Variants in MANBAL observed in about 807,000 individuals in gnomAD.
MANBAL encodes the protein protein MANBAL.
Under a neutral mutation model 6.4 loss-of-function variants are expected in MANBAL, and 1 was observed. That is an observed-to-expected ratio of 0.16 (90% CI 0.06 to 0.74). The LOEUF is 0.74. Among genes scored for constraint, MANBAL ranks in the 30% least tolerant of loss-of-function variants. MANBAL has a pLI of 0.78. For synonymous variants in MANBAL, 47 were observed against 45.8 expected, an observed-to-expected ratio of 1.03 and a Z score of -0.10; for missense variants, 100 against 107.8, an observed-to-expected ratio of 0.93 and a Z score of 0.32.
chr20:37,298,118 T>TG (rs1207722360), intron 1 of MANBAL, among the ~76,000 whole-genome samples: 2 of 152,200 alleles, frequency 1.3e-5, no homozygotes, highest in Non-Finnish European at 1.5e-5. Flanking sequence ...CATAAGAGTT[T>TG]GAGGCTACAG....
chr20:37,314,837 C>T (rs2069467632), intron 2 of MANBAL, among the ~76,000 whole-genome samples: 2 of 152,218 alleles, frequency 1.3e-5, no homozygotes, highest in African/African-American at 4.8e-5. Flanking sequence ...AGGGACTGCC[C>T]TTCCCTGCAT....
intron 2 of MANBAL, among the ~76,000 whole-genome samples, chr20:37,310,938 T>C (rs1319836579): frequency 6.6e-6 from 1 of 152,190 alleles, no homozygotes; most frequent in Non-Finnish European, 1.5e-5. Context: ...AAGGCAGCCC[T>C]TAATTGAGAG....
intron 1 of MANBAL, among the ~76,000 whole-genome samples, chr20:37,299,293 G>A (rs757254595): frequency 6.6e-6 from 1 of 152,060 alleles, no homozygotes; most frequent in South Asian, 2.1e-4. Context: ...TGTCCAGGCT[G>A]GTCTCAAACT....
At chr20:37,292,200 G>A (rs2146781369) in intron 1 of MANBAL, among the ~76,000 whole-genome samples, 1 of 152,268 alleles carries the variant, frequency 6.6e-6, no homozygotes, top group Non-Finnish European at 1.5e-5. Context: ...CATGCTTAAA[G>A]GCAGAGTATA....
At chr20:37,305,275 A>T (rs1288905218) in intron 2 of MANBAL, among the ~76,000 whole-genome samples, 1 of 152,082 alleles carries the variant, frequency 6.6e-6, no homozygotes, top group Non-Finnish European at 1.5e-5. Context: ...GTCCCGAGGG[A>T]GGGAGGTGAT....
chr20:37,315,744 C>T (rs1249564520), intron 2 of MANBAL, among the ~76,000 whole-genome samples: 1 of 152,234 alleles, frequency 6.6e-6, no homozygotes, highest in Non-Finnish European at 1.5e-5. Flanking sequence ...GCCGGCTGGC[C>T]CTCTGCACCC....
At position 37,289,949 on chromosome 20, in the gene MANBAL, C is replaced by T. The variant is rs1200938568; in HGVS notation, c.-57+263C>T. On this transcript the variant is annotated intron_variant, in intron 1 of 2. Coordinates refer to ENST00000373606, the MANE Select transcript of MANBAL (RefSeq NM_001003897.2). Reference sequence around the variant, plus strand: ...GAGGCTGGGCCAGAACCCAGGGCTCCTCATGGCCTGGTCCGGGCCTTTCCT... The same window carrying T: ...GAGGCTGGGCCAGAACCCAGGGCTCTTCATGGCCTGGTCCGGGCCTTTCCT... Among the ~76,000 whole-genome samples the T allele has an allele frequency of 1.1e-4, 16 of 152,240 alleles. 1 individual carries two copies. Among genetic ancestry groups the T allele is most frequent in the Admixed American group, 1.0e-3 (16 of 15,290 alleles).
intron 2 of MANBAL, among the ~76,000 whole-genome samples, chr20:37,305,292 T>C (rs960512911): frequency 6.6e-6 from 1 of 152,096 alleles, no homozygotes; most frequent in African/African-American, 2.4e-5. Flanking sequence ...TGATGAGCCT[T>C]CTTGTTTTAT....
In MANBAL at chr20:37,305,588, C is replaced by T. The variant is rs111235499; in HGVS notation, c.150+4175C>T. 6.6e-3 allele frequency among the ~76,000 whole-genome samples: 1,004 copies of T among 152,068 alleles called. 10 individuals are homozygous for T. Among genetic ancestry groups the T allele is most frequent in the African/African-American group, 0.023 (949 of 41,466 alleles). On this transcript the variant is annotated intron_variant, in intron 2 of 2. Transcript: ENST00000373606. ...CATGTTTTTAAATTTAAATATAGTA[C>T]ATGACATCTCTCATTTTTATTAATC... is the stretch of plus-strand genomic sequence containing the variant.
intron 2 of MANBAL, among the ~76,000 whole-genome samples, chr20:37,312,229 A>G (rs2069406707): frequency 6.6e-6 from 1 of 152,168 alleles, no homozygotes; most frequent in Admixed American, 6.5e-5. Context: ...GCACAAACCC[A>G]CTTTTCTGAT....
intron 2 of MANBAL, among the ~76,000 whole-genome samples, chr20:37,308,046 T>C (rs2069297699): frequency 6.6e-6 from 1 of 152,184 alleles, no homozygotes; most frequent in African/African-American, 2.4e-5. Context: ...TCCTGTCTTT[T>C]GCTTTTCTAA....
chr20:37,302,462 A>G (rs2071434226), intron 2 of MANBAL: 1 of 1,060,412 alleles, frequency 9.4e-7, no homozygotes, highest in Non-Finnish European at 1.3e-6. Context: ...CCTCCATTAT[A>G]AAAATCCGGT....
chr20:37,308,601 A>C lies in MANBAL; in HGVS notation c.150+7188A>C, dbSNP rs140711967. Among the ~76,000 whole-genome samples, 3 of 152,186 alleles carry C rather than the reference A, an allele frequency of 2.0e-5. 1 individual carries two copies. The highest frequency in any genetic ancestry group is 7.2e-5 in the African/African-American group (3 of 41,536). On this transcript the variant is annotated intron_variant, in intron 2 of 2. Transcript: ENST00000373606. ...TGTGTACAAGAATGTGAGGTTTTAT[A>C]TGCCTAGGCACATTTTCTGGGGGAG...
rs747541266 is a variant in MANBAL at position 37,301,408 on chromosome 20, G to A, written c.145G>A (p.Glu49Lys). 12 of 1,610,670 alleles carry A rather than the reference G, an allele frequency of 7.5e-6. No individual in the cohort carries two copies. Among genetic ancestry groups the A allele is most frequent in the African/African-American group, 2.7e-5 (2 of 74,796 alleles). The change falls in exon 2 of 3, where the codon GAG (glutamate) becomes AAG (lysine). Residue 49 changes from glutamate (E) to lysine (K), a missense_variant. Coordinates refer to ENST00000373606, the MANE Select transcript of MANBAL (RefSeq NM_001003897.2). ...AIIVPIPKSH[E>K]AEAEPSEPRS... ...CATCGTACCCATTCCCAAGTCCCAC[G>A]AGGCGGTGAGTTTTTCCCTGGGAGC...
Position 37,301,662 on chromosome 20 carries a change from C to G in MANBAL, c.150+249C>G, listed in dbSNP as rs1600905912. 1.3e-5 allele frequency among the ~76,000 whole-genome samples: 2 copies of G among 152,300 alleles called. 1 individual carries two copies. Among genetic ancestry groups the G allele is most frequent in the Middle Eastern group, 6.8e-3 (2 of 294 alleles). ...CTCTGCTGAAGATGTAGTGTCTGCA[C>G]CTGAGGAGCATCTAGTCCTTGGGAG... On this transcript the variant is annotated intron_variant, in intron 2 of 2. Transcript: ENST00000373606.
At chr20:37,291,206 T>A (rs577726885) in intron 1 of MANBAL, among the ~76,000 whole-genome samples, 3 of 152,214 alleles carry the variant, frequency 2.0e-5, no homozygotes, top group Non-Finnish European at 2.9e-5. Context: ...TTAGAATAAT[T>A]TTAGATTTAC....
At chr20:37,310,056 G>A (rs1489138731) in intron 2 of MANBAL, among the ~76,000 whole-genome samples, 2 of 152,176 alleles carry the variant, frequency 1.3e-5, no homozygotes, top group African/African-American at 4.8e-5. Flanking sequence ...GAGACGGCTG[G>A]ACACACAAGG....
At chr20:37,300,417 G>A (rs946201993) in intron 1 of MANBAL, among the ~76,000 whole-genome samples, 2 of 152,106 alleles carry the variant, frequency 1.3e-5, no homozygotes, top group African/African-American at 4.8e-5. Flanking sequence ...AAAATAAAAT[G>A]ATGCCCTTAA....
chr20:37,302,137 C>G, intron 2 of MANBAL: 1 of 1,180,848 alleles, frequency 8.5e-7, no homozygotes, highest in Non-Finnish European at 1.2e-6. Context: ...CTTTCTTGCC[C>G]ACTCCCATTT....
Sources: gnomAD v4.1 joint callset for allele counts (sites outside exome capture counted in the v4.1 genomes callset) on GRCh38, gnomAD v4.1.1 for gene constraint, MANE v1.5 for transcripts, NCBI Gene and HGNC (gene_info 2026-07-23, HGNC 2026-07-21) for gene names.